The following MAML2 variants were observed in gnomAD, a reference collection of about 807,000 sequenced individuals.
MAML2 encodes mastermind-like protein 2.
In MAML2, 22 loss-of-function variants were observed where a neutral mutation model predicts 96.1. The ratio of observed to expected loss-of-function variants is 0.23; its 90% CI spans 0.16 to 0.33. MAML2 has a LOEUF of 0.33. Ranked by LOEUF, MAML2 falls within the 10% of genes least tolerant of loss-of-function variation. The pLI, the probability that MAML2 is intolerant of heterozygous loss-of-function variation, is 1.00. For synonymous variants in MAML2, 561 were observed against 521.3 expected, an observed-to-expected ratio of 1.08 and a Z score of -1.04; for missense variants, 1,367 against 1,392.4, an observed-to-expected ratio of 0.98 and a Z score of 0.29.
intron 1 of MAML2, among the ~76,000 whole-genome samples, chr11:96,198,417 G>A (rs1861762053): frequency 6.6e-6 from 1 of 152,186 alleles, no homozygotes; most frequent in African/African-American, 2.4e-5. Context: ...TCTTTTCTGA[G>A]AAAGGCATAC....
intron 1 of MAML2, among the ~76,000 whole-genome samples, chr11:96,187,052 G>T (rs1861586876): frequency 6.6e-6 from 1 of 152,132 alleles, no homozygotes; most frequent in Admixed American, 6.6e-5. Flanking sequence ...GAACATTCCT[G>T]GTGCCCTGAG....
chr11:96,299,060 A>ATATATATATAT (rs1555037072), intron 1 of MAML2, among the ~76,000 whole-genome samples: 34 of 56,318 alleles, frequency 6.0e-4, no homozygotes, highest in East Asian at 3.8e-3. Flanking sequence ...AAAAAAAAAA[A>ATATATATATAT]ATATATATAT....
chr11:96,081,378 C>T (rs1225490338), intron 2 of MAML2, among the ~76,000 whole-genome samples: 4 of 152,018 alleles, frequency 2.6e-5, no homozygotes, highest in African/African-American at 9.7e-5. Flanking sequence ...TCAACAGTGT[C>T]ATGGTGTCTT....
intron 1 of MAML2, among the ~76,000 whole-genome samples, chr11:96,097,809 A>C (rs918261479): frequency 6.6e-6 from 1 of 152,166 alleles, no homozygotes; most frequent in East Asian, 1.9e-4. Context: ...CTAGGCAGGC[A>C]CTCTGTGGTG....
chr11:96,187,309 C>T (rs1361930407), intron 1 of MAML2, among the ~76,000 whole-genome samples: 2 of 152,118 alleles, frequency 1.3e-5, no homozygotes, highest in Non-Finnish European at 2.9e-5. Flanking sequence ...TAACTCATTA[C>T]CTAGATGCCA....
At chr11:96,023,446 G>A (rs1360335569) in intron 2 of MAML2, among the ~76,000 whole-genome samples, 3 of 152,172 alleles carry the variant, frequency 2.0e-5, no homozygotes, top group South Asian at 2.1e-4. Context: ...ACATGTCAAA[G>A]CTTTACAGAC....
chr11:96,154,771 A>T lies in MAML2; in HGVS notation c.514-61254T>A, dbSNP rs1860983309. Among the ~76,000 whole-genome samples the T allele has an allele frequency of 2.0e-5, 3 of 152,218 alleles. No homozygotes were observed. In the South Asian group the frequency reaches 6.2e-4, roughly 32 times the overall value. Reference sequence around the variant, plus strand: ...ACATTAACTTACGATTCAGGATGTGACAAGATAGTAACGTGCAGAGAGTGC... The same window carrying T: ...ACATTAACTTACGATTCAGGATGTGTCAAGATAGTAACGTGCAGAGAGTGC... On this transcript the variant is annotated intron_variant, in intron 1 of 4. Transcript: ENST00000524717.
At chr11:95,988,041 A>G (rs1489162727) in intron 3 of MAML2, among the ~76,000 whole-genome samples, 1 of 150,984 alleles carries the variant, frequency 6.6e-6, no homozygotes, top group Non-Finnish European at 1.5e-5. Context: ...TCTGAAATCC[A>G]CTCTTTTCCA....
chr11:95,995,565 T>C (rs1857976804), intron 2 of MAML2, among the ~76,000 whole-genome samples: 1 of 152,206 alleles, frequency 6.6e-6, no homozygotes, highest in Non-Finnish European at 1.5e-5. Context: ...TTAGTAGAGA[T>C]GTTTGATACA....
intron 1 of MAML2, among the ~76,000 whole-genome samples, chr11:96,303,989 G>C (rs548319379): frequency 1.6e-4 from 24 of 152,338 alleles, no homozygotes; most frequent in Non-Finnish European, 3.1e-4. Flanking sequence ...GCAAGGAAGT[G>C]GGTGCCAGGA....
chr11:96,166,213 A>C (rs1050064333), intron 1 of MAML2, among the ~76,000 whole-genome samples: 1 of 150,526 alleles, frequency 6.6e-6, no homozygotes, highest in African/African-American at 2.4e-5. Context: ...ACACACACAC[A>C]CACCCCACAT....
chr11:96,040,074 T>G (rs1858783799), intron 2 of MAML2, among the ~76,000 whole-genome samples: 1 of 152,118 alleles, frequency 6.6e-6, no homozygotes, highest in South Asian at 2.1e-4. Context: ...GGGGTTCCCT[T>G]TAGATGTCTG....
rs1334758337 is a variant in MAML2, at chr11:95,979,752, T to C, written c.2667A>G (p.Gln889=). ...GCTTTGGGTTTCTCTGTTGGGTCAA[T>C]TGATTCATTCCTGAAGTGACACTGT... ...NTYSVTSGMN[Q]LTQQRNPKQL... The change falls in exon 5 of 5, where the codon CAA becomes CAG. Residue 889 remains glutamine, a synonymous_variant. Transcript: ENST00000524717. The C allele has an allele frequency of 1.2e-6, 2 of 1,614,044 alleles. No individual in the cohort carries two copies. The highest frequency in any genetic ancestry group is 2.2e-5 in the South Asian group (2 of 91,082).
At position 96,341,640 on chromosome 11, in the gene MAML2, C is replaced by A; in HGVS notation, c.256G>T (p.Ala86Ser). The part of the protein sequence containing the change: ...LLSLVQHGQG[A>S]RKAGKHTKAT... ...TTGGTGTGTTTGCCAGCTTTCCTTG[C>A]CCCCTGGCCATGCTGTACAAGGCTC... is the stretch of plus-strand genomic sequence containing the variant. The change falls in exon 1 of 5, where the codon GCA becomes TCA. Residue 86 changes from alanine (A) to serine (S), a missense_variant. Ala to Ser is a moderately conservative substitution (Grantham distance 99). Coordinates refer to ENST00000524717, the MANE Select transcript of MAML2 (RefSeq NM_032427.4). 1 of 1,557,664 alleles carries A rather than the reference C, an allele frequency of 6.4e-7. No homozygotes were observed. The highest frequency in any genetic ancestry group is 1.2e-5 in the South Asian group (1 of 84,664).
intron 2 of MAML2, among the ~76,000 whole-genome samples, chr11:96,036,954 A>G (rs1858723220): frequency 6.6e-6 from 1 of 152,180 alleles, no homozygotes; most frequent in Non-Finnish European, 1.5e-5. Context: ...ACCATCTTAG[A>G]TAAGTGAAAG....
At chr11:96,224,004 G>C (rs1028501244) in intron 1 of MAML2, among the ~76,000 whole-genome samples, 6 of 152,190 alleles carry the variant, frequency 3.9e-5, no homozygotes, top group Admixed American at 2.0e-4. Flanking sequence ...TAAGGGAAAA[G>C]AGAGATACAT....
At chr11:96,297,633 C>A (rs191472071) in intron 1 of MAML2, among the ~76,000 whole-genome samples, 2 of 152,230 alleles carry the variant, frequency 1.3e-5, no homozygotes, top group East Asian at 3.9e-4. Flanking sequence ...CTGACCATTT[C>A]TCTTCAAAAA....
chr11:96,132,347 C>T (rs1860561270), intron 1 of MAML2, among the ~76,000 whole-genome samples: 1 of 152,186 alleles, frequency 6.6e-6, no homozygotes, highest in African/African-American at 2.4e-5. Context: ...GTGAACAAGA[C>T]AGACAATAGT....
intron 2 of MAML2, among the ~76,000 whole-genome samples, chr11:96,013,919 T>C (rs1358586454): frequency 6.6e-6 from 1 of 152,234 alleles, no homozygotes; most frequent in Non-Finnish European, 1.5e-5. Context: ...CCCTCTGTCC[T>C]TGTGATAAGG....
Sources: allele counts gnomAD v4.1 joint callset (sites outside exome capture counted in the v4.1 genomes callset), GRCh38; gene constraint gnomAD v4.1.1; transcripts MANE v1.5; gene names NCBI Gene and HGNC (gene_info 2026-07-23, HGNC 2026-07-21).